KCNJ3: variants seen among roughly 807,000 people sequenced by gnomAD.
The protein encoded by KCNJ3 is G protein-activated inward rectifier potassium channel 1.
A neutral mutation model predicts 39.2 loss-of-function variants in KCNJ3; 4 were observed. The ratio of observed to expected loss-of-function variants is 0.10; its 90% confidence interval spans 0.05 to 0.23. KCNJ3 has a LOEUF of 0.23. Ranked by LOEUF, KCNJ3 falls within the 10% of genes least tolerant of loss-of-function variation. The pLI is 1.00. For synonymous variants in KCNJ3, 230 were observed against 237.4 expected, an observed-to-expected ratio of 0.97 and a Z score of 0.29; for missense variants, 276 against 634.9, an observed-to-expected ratio of 0.43 and a Z score of 6.08.
At chr2:154,734,494 C>G (rs1685490730) in intron 2 of KCNJ3, among the ~76,000 whole-genome samples, 1 of 152,084 alleles carries the variant, frequency 6.6e-6, no homozygotes, top group African/African-American at 2.4e-5. Flanking sequence ...TGAGCCACCT[C>G]AAAACAAAAC....
At chr2:154,811,741 G>C (rs1687011156) in intron 2 of KCNJ3, among the ~76,000 whole-genome samples, 1 of 152,084 alleles carries the variant, frequency 6.6e-6, no homozygotes, top group African/African-American at 2.4e-5. Context: ...TAGTTAAGAA[G>C]CAAATTTCAG....
At chr2:154,794,040 A>G (rs1029000185) in intron 2 of KCNJ3, among the ~76,000 whole-genome samples, 1 of 151,948 alleles carries the variant, frequency 6.6e-6, no homozygotes, top group Non-Finnish European at 1.5e-5. Flanking sequence ...AATCTCCTCA[A>G]AGCTAATCTA....
At chr2:154,736,868 AC>A (rs78338492) in intron 2 of KCNJ3, among the ~76,000 whole-genome samples, 60,048 of 151,948 alleles carry the variant, frequency 0.4, 12,132 homozygotes, top group Non-Finnish European at 0.44. Context: ...TACTGCTTAT[AC>A]TTTTTTCCAG....
At position 154,718,228 on chromosome 2, in the gene KCNJ3, GAT is replaced by G. The variant is rs143574536; in HGVS notation, c.919+8414_919+8415del. Among the ~76,000 whole-genome samples, 1,241 of 152,126 alleles carry G rather than the reference GAT, an allele frequency of 8.2e-3. 12 individuals are homozygous for G. The highest frequency in any genetic ancestry group is 0.028 in the African/African-American group (1,162 of 41,480). ...TAATTGTGAATTTATTTCTCTTTAA[GAT>G]ATATCTTATCAGTAATTCATAGGTC... On this transcript the variant is annotated intron_variant, in intron 2 of 2. Coordinates refer to ENST00000295101, the MANE Select transcript of KCNJ3 (RefSeq NM_002239.4).
intron 2 of KCNJ3, among the ~76,000 whole-genome samples, chr2:154,846,587 A>G (rs938584195): frequency 1.3e-5 from 2 of 152,184 alleles, no homozygotes; most frequent in Non-Finnish European, 2.9e-5. Context: ...CCAAACAGGA[A>G]CAATCTCAAG....
At chr2:154,798,245 C>T (rs2652446) in intron 2 of KCNJ3, among the ~76,000 whole-genome samples, 65,802 of 151,112 alleles carry the variant, frequency 0.44, 15,526 homozygotes, top group Non-Finnish European at 0.54. Context: ...TCCCTAGCCA[C>T]AGCACTCCTG....
chr2:154,775,971 C>G (rs1165517507), intron 2 of KCNJ3, among the ~76,000 whole-genome samples: 1 of 150,620 alleles, frequency 6.6e-6, no homozygotes, highest in Non-Finnish European at 1.5e-5. Flanking sequence ...AGACAGATAA[C>G]CTTTTTTAAA....
At chr2:154,782,024 G>T (rs1311739520) in intron 2 of KCNJ3, among the ~76,000 whole-genome samples, 1 of 152,158 alleles carries the variant, frequency 6.6e-6, no homozygotes, top group Non-Finnish European at 1.5e-5. Context: ...TTTTTGTGAT[G>T]ATTTTTGTCC....
chr2:154,709,288 C>T, intron 1 of KCNJ3: 1 of 371,876 alleles, frequency 2.7e-6, no homozygotes, highest in South Asian at 3.1e-5. Context: ...TGCTGTCAAG[C>T]AGCAGCACAT....
At chr2:154,790,573 T>G (rs1332580682) in intron 2 of KCNJ3, among the ~76,000 whole-genome samples, 1 of 152,096 alleles carries the variant, frequency 6.6e-6, no homozygotes, top group Non-Finnish European at 1.5e-5. Context: ...TCACTGTAGT[T>G]CCATGGTGAG....
At chr2:154,703,419 T>C (rs1167004231) in intron 1 of KCNJ3, among the ~76,000 whole-genome samples, 4 of 151,974 alleles carry the variant, frequency 2.6e-5, no homozygotes, top group Non-Finnish European at 5.9e-5. Context: ...GTACATTCCT[T>C]TCCTCTTCTA....
chr2:154,854,112 C>T (rs1687800811), intron 2 of KCNJ3, among the ~76,000 whole-genome samples: 1 of 152,118 alleles, frequency 6.6e-6, no homozygotes, highest in Non-Finnish European at 1.5e-5. Context: ...TCCTCCCACC[C>T]CCCATAGCAA....
intron 2 of KCNJ3, among the ~76,000 whole-genome samples, chr2:154,854,292 T>C (rs1008609512): frequency 6.6e-6 from 1 of 152,194 alleles, no homozygotes; most frequent in Non-Finnish European, 1.5e-5. Flanking sequence ...AAAGTGATAC[T>C]CAGTTAAATA....
intron 1 of KCNJ3, among the ~76,000 whole-genome samples, chr2:154,706,642 G>A (rs972553401): frequency 6.6e-6 from 1 of 151,792 alleles, no homozygotes; most frequent in Non-Finnish European, 1.5e-5. Context: ...TAACTCATAG[G>A]CTTTTTTTTT....
chr2:154,715,136 A>G (rs528206075), intron 2 of KCNJ3, among the ~76,000 whole-genome samples: 146 of 152,328 alleles, frequency 9.6e-4, no homozygotes, highest in African/African-American at 3.5e-3. Context: ...ATAACTCTCA[A>G]TTCAACTATT....
intron 2 of KCNJ3, among the ~76,000 whole-genome samples, chr2:154,842,190 G>T (rs930589403): frequency 1.3e-5 from 2 of 152,006 alleles, no homozygotes; most frequent in South Asian, 2.1e-4. Context: ...GCCTTCATTT[G>T]ATTATTTATC....
At chr2:154,812,630 C>T (rs1234122116) in intron 2 of KCNJ3, among the ~76,000 whole-genome samples, 2 of 152,066 alleles carry the variant, frequency 1.3e-5, no homozygotes, top group African/African-American at 2.4e-5. Context: ...TCCAGAGTAA[C>T]CCCCTTCTTT....
chr2:154,825,015 T>G (rs1455917957), intron 2 of KCNJ3, among the ~76,000 whole-genome samples: 1 of 152,216 alleles, frequency 6.6e-6, no homozygotes, highest in East Asian at 1.9e-4. Flanking sequence ...TTAAGATAAA[T>G]ACTTGCTTAT....
chr2:154,737,244 G>A (rs1354726324), intron 2 of KCNJ3, among the ~76,000 whole-genome samples: 1 of 152,164 alleles, frequency 6.6e-6, no homozygotes, highest in East Asian at 1.9e-4. Flanking sequence ...TTTTGTGTCA[G>A]TATTGGGGCA....
Sources: allele counts gnomAD v4.1 joint callset (sites outside exome capture counted in the v4.1 genomes callset), GRCh38; gene constraint gnomAD v4.1.1; transcripts MANE v1.5; gene names NCBI Gene and HGNC (gene_info 2026-07-23, HGNC 2026-07-21).